Variants in ATP2B2 observed in about 807,000 individuals in gnomAD.
ATP2B2 encodes plasma membrane calcium-transporting ATPase 2.
In ATP2B2, 15 loss-of-function variants were observed where a neutral mutation model predicts 120.0. The ratio of observed to expected loss-of-function variants is 0.12; its 90% CI spans 0.08 to 0.19. The LOEUF (loss-of-function observed/expected upper bound fraction) is 0.19. Ranked by LOEUF, ATP2B2 falls within the 10% of genes least tolerant of loss-of-function variation. ATP2B2 has a pLI of 1.00. For missense variants in ATP2B2, 1,045 were observed against 1,719.8 expected (o/e 0.61, Z 6.94); for synonymous variants, 694 against 700.3 (o/e 0.99, Z 0.14).
chr3:10,371,913 C>A lies in ATP2B2; in HGVS notation c.1555G>T (p.Val519Phe). The A allele has an allele frequency of 6.2e-7, 1 of 1,614,150 alleles. No individual in the cohort carries two copies. Among genetic ancestry groups the A allele is most frequent in the Non-Finnish European group, 8.5e-7 (1 of 1,180,036 alleles). Residue 519 changes from valine (V) to phenylalanine (F), a missense_variant, in exon 12 of 23, where the codon GTC becomes TTC. Val to Phe is a conservative substitution (Grantham distance 50, BLOSUM62 -1). Coordinates refer to ENST00000360273, the MANE Select transcript of ATP2B2 (RefSeq NM_001001331.4). Reference sequence around the variant, plus strand: ...GGGTCGGGGATCTCTTTATAGTGGACGTCGCCGACATAGGCCTGTACCACT... The same window carrying A: ...GGGTCGGGGATCTCTTTATAGTGGAAGTCGCCGACATAGGCCTGTACCACT... ...MTVVQAYVGD[V>F]HYKEIPDPSS...
chr3:10,507,062 C>T (rs987309066), upstream of ATP2B2, among the ~76,000 whole-genome samples: 3 of 152,182 alleles, frequency 2.0e-5, no homozygotes, highest in Middle Eastern at 6.3e-3. Flanking sequence ...TGCCCACCTG[C>T]CCCTTAGCCC....
chr3:10,660,850 A>T (rs1315014749), intron 1 of ATP2B2, among the ~76,000 whole-genome samples: 1 of 152,240 alleles, frequency 6.6e-6, no homozygotes, highest in African/African-American at 2.4e-5. Context: ...AATCCTCAAT[A>T]AAATACTGGG....
At chr3:10,651,368 G>T (rs1657179593) in intron 1 of ATP2B2, among the ~76,000 whole-genome samples, 1 of 152,166 alleles carries the variant, frequency 6.6e-6, no homozygotes, top group Non-Finnish European at 1.5e-5. Context: ...TTCCCATGCT[G>T]TTCTGTTCTC....
intron 1 of ATP2B2, among the ~76,000 whole-genome samples, chr3:10,624,595 C>T (rs1418223605): frequency 3.9e-5 from 6 of 152,178 alleles, no homozygotes; most frequent in South Asian, 4.1e-4. Flanking sequence ...GCAAGCAGCA[C>T]GGCTTTGTCA....
intron 1 of ATP2B2, among the ~76,000 whole-genome samples, chr3:10,656,659 C>A (rs1307200155): frequency 6.6e-6 from 1 of 152,206 alleles, no homozygotes; most frequent in African/African-American, 2.4e-5. Flanking sequence ...CCTGACCTCA[C>A]ACAGCTCAAA....
rs1043794076 is a variant in ATP2B2, at chr3:10,347,118, G to A, written c.2405-981C>T. 5.3e-5 allele frequency among the ~76,000 whole-genome samples: 8 copies of A among 152,048 alleles called. No homozygotes were observed. The highest frequency in any genetic ancestry group is 1.2e-4 in the African/African-American group (5 of 41,370). On this transcript the variant is annotated intron_variant, in intron 16 of 22. Coordinates refer to ENST00000360273, the MANE Select transcript of ATP2B2 (RefSeq NM_001001331.4). This position sits in a 1 kb window ranked among gnomAD's most constrained non-coding sequence, Gnocchi z 5.2. ...CCCTTGGTCTCAGGATAACATCCAT[G>A]TTCTTAGCTCCACTTATGAAGTCCT...
intron 2 of ATP2B2, among the ~76,000 whole-genome samples, chr3:10,586,403 T>G (rs1559472336): frequency 6.6e-6 from 1 of 152,226 alleles, no homozygotes; most frequent in Non-Finnish European, 1.5e-5. Context: ...AGGCAGATCT[T>G]ACTTTTGCCG....
At chr3:10,617,953 A>G (rs1345201264) in intron 2 of ATP2B2, among the ~76,000 whole-genome samples, 2 of 152,070 alleles carry the variant, frequency 1.3e-5, no homozygotes, top group Non-Finnish European at 2.9e-5. Context: ...ACCCCACTAG[A>G]ATAGCCACAG....
At chr3:10,501,024 C>A (rs933528340) in intron 1 of ATP2B2, among the ~76,000 whole-genome samples, 1 of 152,180 alleles carries the variant, frequency 6.6e-6, no homozygotes, top group Non-Finnish European at 1.5e-5. Context: ...CAGTGATGAG[C>A]CGGCCTGGGA....
chr3:10,379,317 G>C (rs1313676107), intron 8 of ATP2B2, 33 bp from the exon 9 acceptor site: 2 of 1,610,766 alleles, frequency 1.2e-6, no homozygotes. Flanking sequence ...AGACAACAGA[G>C]AACAGACAAC....
intron 2 of ATP2B2, among the ~76,000 whole-genome samples, chr3:10,585,494 A>G (rs867770567): frequency 2.0e-3 from 156 of 79,184 alleles, no homozygotes; most frequent in South Asian, 6.8e-3. Flanking sequence ...ACTCCGTCTG[A>G]AAAAAAAAAA....
intron 3 of ATP2B2, among the ~76,000 whole-genome samples, chr3:10,522,250 T>G (rs1486833554): frequency 6.6e-6 from 1 of 152,202 alleles, no homozygotes; most frequent in African/African-American, 2.4e-5. Context: ...TCCTTTTCAG[T>G]ACGTGTGTAT....
At chr3:10,563,876 C>T (rs1263449501) in intron 2 of ATP2B2, among the ~76,000 whole-genome samples, 1 of 152,204 alleles carries the variant, frequency 6.6e-6, no homozygotes, top group Non-Finnish European at 1.5e-5. Flanking sequence ...ACTTTTGGTC[C>T]AAGAACACAC....
chr3:10,696,876 C>T (rs893269480), intron 1 of ATP2B2, among the ~76,000 whole-genome samples: 1 of 152,186 alleles, frequency 6.6e-6, no homozygotes, highest in Admixed American at 6.5e-5. Context: ...CAAGGAGTCG[C>T]CATTAGGTCT....
In ATP2B2 at chr3:10,342,246, G is replaced by A. The variant is rs564576636; in HGVS notation, c.2917+506C>T. Among the ~76,000 whole-genome samples the A allele has an allele frequency of 6.6e-6, 1 of 152,340 alleles. No individual in the cohort carries two copies. The highest frequency in any genetic ancestry group is 2.1e-4 in the South Asian group (1 of 4,830). On this transcript the variant is annotated intron_variant, in intron 19 of 22. Transcript: ENST00000360273. This position sits in a 1 kb window ranked among gnomAD's most constrained non-coding sequence, Gnocchi z 4.4. ...GCCCTCGTTTGTAATGTGGGGTGGAGGCAAATGTGCTTGCCTCACTGAGTG... is the reference window on the plus strand; with the variant it reads ...GCCCTCGTTTGTAATGTGGGGTGGAAGCAAATGTGCTTGCCTCACTGAGTG...
At chr3:10,499,733 G>A (rs4684699) in intron 1 of ATP2B2, among the ~76,000 whole-genome samples, 81,247 of 151,662 alleles carry the variant, frequency 0.54, 22,726 homozygotes, top group African/African-American at 0.69. Context: ...TCTCTCTGGT[G>A]CCCAGGAGCC....
chr3:10,707,451 T>G (rs2071913383), intron 1 of ATP2B2, among the ~76,000 whole-genome samples: 1 of 152,102 alleles, frequency 6.6e-6, no homozygotes, highest in East Asian at 1.9e-4. Context: ...TCTCTGCAGC[T>G]CTCAACCTGT....
intron 3 of ATP2B2, among the ~76,000 whole-genome samples, chr3:10,521,701 G>C (rs2066988274): frequency 6.6e-6 from 1 of 152,256 alleles, no homozygotes; most frequent in African/African-American, 2.4e-5. Context: ...GTAGAGACAA[G>C]TTGATTGTGA....
At chr3:10,384,814 T>C (rs2061626631) in intron 8 of ATP2B2, among the ~76,000 whole-genome samples, 1 of 152,156 alleles carries the variant, frequency 6.6e-6, no homozygotes, top group Admixed American at 6.5e-5. Flanking sequence ...CCGGCCTGGG[T>C]CCCCTTGCCT....
Sources: allele counts gnomAD v4.1 joint callset (sites outside exome capture counted in the v4.1 genomes callset), GRCh38; gene constraint gnomAD v4.1.1; non-coding constraint Gnocchi (gnomAD v3.1); transcripts MANE v1.5; gene names NCBI Gene and HGNC (gene_info 2026-07-23, HGNC 2026-07-21).